Variants in DIS3L observed in about 807,000 individuals in gnomAD.
DIS3L encodes the protein DIS3 like exosome 3'-5' exoribonuclease, also known as DIS3-like exonuclease 1.
A neutral mutation model predicts 120.3 loss-of-function variants in DIS3L; 100 were observed. The observed-to-expected ratio is 0.83, with a 90% CI of 0.71 to 0.98. The LOEUF (loss-of-function observed/expected upper bound fraction) is 0.98, where lower values mean the gene tolerates loss of function less well. Among genes scored for constraint, DIS3L ranks in the 50% least tolerant of loss-of-function variants. DIS3L has a pLI of 0.00. For missense variants in DIS3L, 1,196 were observed against 1,314.2 expected (o/e 0.91, Z 1.39); for synonymous variants, 426 against 470.6 (o/e 0.91, Z 1.23).
intron 6 of DIS3L, chr15:66,314,770 T>C: frequency 2.9e-6 from 1 of 341,540 alleles, no homozygotes. Context: ...ACTAATACCT[T>C]TTTAAAAGGT....
At position 66,323,595 on chromosome 15, in the gene DIS3L, T is replaced by C. The variant is rs1595754493; in HGVS notation, c.1667+10T>C. ...TGGGAGGCGTTGATAGGTGAGTTTA[T>C]GGCTTTTGTCTTCAAAGCTTGTCCT... On this transcript the variant is annotated intron_variant, in intron 11 of 16. Transcript: ENST00000319212. The C allele has an allele frequency of 6.8e-6, 11 of 1,614,032 alleles. No individual in the cohort carries two copies. Among genetic ancestry groups the C allele is most frequent in the Non-Finnish European group, 8.5e-6 (10 of 1,179,852 alleles).
In DIS3L at chr15:66,332,682, A is replaced by T. The variant is rs2093013587; in HGVS notation, c.2682-54A>T. On this transcript the variant is annotated intron_variant, in intron 15 of 16. Transcript: ENST00000319212. ...CTAGTATTCTAGATAAGCATACAAGATCTGTGTACTAAGAATACATTGTCT... is the reference window on the plus strand; with the variant it reads ...CTAGTATTCTAGATAAGCATACAAGTTCTGTGTACTAAGAATACATTGTCT... The T allele has an allele frequency of 3.4e-6, 5 of 1,480,866 alleles. No homozygotes were observed. In the East Asian group the frequency reaches 1.1e-4, roughly 34 times the overall value. 91.7% of individuals were successfully genotyped at this position (1,480,866 alleles called of 1,614,324 possible). A position where few individuals can be genotyped will look rare whatever the true frequency, so the allele number is the denominator to read the frequency against.
Position 66,308,860 on chromosome 15 carries a change from G to A in DIS3L, c.558+16G>A. 1 of 1,609,984 alleles carries A rather than the reference G, an allele frequency of 6.2e-7. No homozygotes were observed. Among genetic ancestry groups the A allele is most frequent in the Non-Finnish European group, 8.5e-7 (1 of 1,177,688 alleles). ...TACTTTCAAGGTATTTCCAGATATT[G>A]TATATGTATGAGTGCTCATTTTCTA... On this transcript the variant is annotated intron_variant, in intron 4 of 16. Coordinates refer to ENST00000319212, the MANE Select transcript of DIS3L (RefSeq NM_001143688.3).
At chr15:66,320,188 C>T (rs1262091751) in intron 8 of DIS3L, among the ~76,000 whole-genome samples, 1 of 151,998 alleles carries the variant, frequency 6.6e-6, no homozygotes, top group African/African-American at 2.4e-5. Context: ...ACACACAAAA[C>T]ATTAAGATTG....
At chr15:66,309,876 T>A in intron 4 of DIS3L, among the ~76,000 whole-genome samples, 1 of 152,204 alleles carries the variant, frequency 6.6e-6, no homozygotes, top group Non-Finnish European at 1.5e-5. Context: ...GTGATATTAT[T>A]TATGTGAATG....
intron 4 of DIS3L, among the ~76,000 whole-genome samples, chr15:66,311,112 C>T (rs1442353589): frequency 6.6e-6 from 1 of 151,540 alleles, no homozygotes; most frequent in African/African-American, 2.4e-5. Context: ...CAGTGTAATC[C>T]CAGCACTGTG....
chr15:66,294,562 C>G (rs1263662288), intron 1 of DIS3L: 1 of 986,902 alleles, frequency 1.0e-6, no homozygotes, highest in Non-Finnish European at 1.2e-6. Flanking sequence ...TCTTTCTGGC[C>G]CTTGGAGGCT....
intron 3 of DIS3L, among the ~76,000 whole-genome samples, chr15:66,307,992 A>G (rs373551865): frequency 4.6e-5 from 7 of 152,280 alleles, no homozygotes; most frequent in Admixed American, 2.0e-4. Flanking sequence ...GGATAACATA[A>G]TGAGACCCCA....
At chr15:66,294,520 C>T in intron 1 of DIS3L, 1 of 988,636 alleles carries the variant, frequency 1.0e-6, no homozygotes, top group Non-Finnish European at 1.2e-6. Context: ...CACCTCTGCA[C>T]GTTGCTTGCA....
chr15:66,308,238 T>A (rs2092720649), intron 3 of DIS3L, among the ~76,000 whole-genome samples: 2 of 152,206 alleles, frequency 1.3e-5, no homozygotes, highest in African/African-American at 4.8e-5. Context: ...GTTTCCCAGT[T>A]CCGGTTCTTT....
In DIS3L at chr15:66,323,528, A is replaced by T. The variant is rs2140394427; in HGVS notation, c.1610A>T (p.Asp537Val). Reference protein sequence around the residue: ...TTYYLADRRYDMLPSVLSADL... With the variant: ...TTYYLADRRYVMLPSVLSADL... ...TATTATCTAGCAGATCGTCGCTATG[A>T]CATGCTGCCTTCCGTCCTCAGTGCA... Residue 537 changes from aspartate to valine, a missense_variant, in exon 11 of 17, where the codon GAC (aspartate) becomes GTC (valine). Asp to Val is a radical substitution (Grantham distance 152). Coordinates refer to ENST00000319212, the MANE Select transcript of DIS3L (RefSeq NM_001143688.3). 5 of 1,614,266 alleles carry T rather than the reference A, an allele frequency of 3.1e-6. No individual in the cohort carries two copies. The East Asian group carries it at 1.1e-4, about 36-fold the overall frequency.
rs77283543 is a variant in DIS3L, at chr15:66,307,715, G to A, written c.422+763G>A. Among the ~76,000 whole-genome samples the A allele has an allele frequency of 9.1e-3, 1,382 of 152,334 alleles. 17 individuals carry two copies. The highest frequency in any genetic ancestry group is 0.032 in the African/African-American group (1,312 of 41,570). The stretch of plus-strand genomic sequence containing the variant: ...CTGCTGAAAGCAGAGCCTAAAGTGA[G>A]TCCTTGAGTGTGGAGTGTTTATGTG... On this transcript the variant is annotated intron_variant, in intron 3 of 16. Transcript: ENST00000319212.
In DIS3L at chr15:66,308,804, A is replaced by G. The variant is rs1376751640; in HGVS notation, c.518A>G (p.Tyr173Cys). Residue 173 changes from tyrosine (Y) to cysteine (C), a missense_variant, in exon 4 of 17, where the codon TAT becomes TGT. Tyr to Cys is a radical substitution (Grantham distance 194, BLOSUM62 -2). Coordinates refer to ENST00000319212, the MANE Select transcript of DIS3L (RefSeq NM_001143688.3). ...GAAGATGAAGAGGCAATTCAGCAGT[A>G]TGGAAGTGAAACAGAAGGAGTATTC... ...VTEDEEAIQQ[Y>C]GSETEGVFVI... The G allele has an allele frequency of 6.8e-6, 11 of 1,613,550 alleles. No homozygotes were observed. Among genetic ancestry groups the G allele is most frequent in the Non-Finnish European group, 9.3e-6 (11 of 1,179,770 alleles).
rs1566957995 is a variant in DIS3L at position 66,326,326 on chromosome 15, G to A, written c.2163G>A (p.Arg721=). 6.2e-7 allele frequency: 1 copy of A among 1,614,022 alleles called. No individual in the cohort carries two copies. The highest frequency in any genetic ancestry group is 1.3e-5 in the African/African-American group (1 of 74,932). The change falls in exon 12 of 17, where the codon CGG becomes CGA. Residue 721 remains arginine, a synonymous_variant. Transcript: ENST00000319212. Reference sequence around the variant, plus strand: ...ACCAGGAGTTCTTTTCAGAACTCCGGGAATGTGCTAAAGCCAAAGGCTTCT... The same window carrying A: ...ACCAGGAGTTCTTTTCAGAACTCCGAGAATGTGCTAAAGCCAAAGGCTTCT... ...PPHQEFFSEL[R]ECAKAKGFFI...
rs767664381 is a variant in DIS3L at position 66,315,061 on chromosome 15, C to A, written c.840C>A (p.His280Gln). The change falls in exon 7 of 17, where the codon CAC (histidine) becomes CAA (glutamine). Residue 280 changes from histidine to glutamine, a missense_variant. Transcript: ENST00000319212. ...ATTTAGTCAGTGACATCCTAATCCA[C>A]GGGATGAAGGCTCGAAACCGCTCAA... ...DSDLVSDILI[H>Q]GMKARNRSIH... The A allele has an allele frequency of 1.5e-5, 25 of 1,613,778 alleles. No individual in the cohort carries two copies. The Admixed American group carries it at 4.2e-4, about 27-fold the overall frequency.
chr15:66,302,954 A>T (rs1471757033), intron 2 of DIS3L, among the ~76,000 whole-genome samples: 1 of 151,956 alleles, frequency 6.6e-6, no homozygotes, highest in Admixed American at 6.6e-5. Context: ...CCTAACTGAA[A>T]CTCTATACCC....
intron 7 of DIS3L, among the ~76,000 whole-genome samples, chr15:66,317,344 GGAAAA>G (rs2092828808): frequency 2.5e-5 from 2 of 79,082 alleles, no homozygotes; most frequent in Non-Finnish European, 5.0e-5. Context: ...AATATTTGTG[GGAAAA>G]AAAAAAAAAA....
At chr15:66,303,437 C>A (rs1546570) in intron 2 of DIS3L, among the ~76,000 whole-genome samples, 29,839 of 152,102 alleles carry the variant, frequency 0.2, 3,254 homozygotes, top group Non-Finnish European at 0.24. Flanking sequence ...TGGTATTCCC[C>A]AGGGCATTCA....
At chr15:66,306,135 C>T (rs753837953) in intron 2 of DIS3L, among the ~76,000 whole-genome samples, 7 of 152,042 alleles carry the variant, frequency 4.6e-5, no homozygotes, top group African/African-American at 1.7e-4. Flanking sequence ...CACGCTACCA[C>T]GCTAATTTTT....
Sources: gnomAD v4.1 joint callset for allele counts (sites outside exome capture counted in the v4.1 genomes callset) on GRCh38, gnomAD v4.1.1 for gene constraint, MANE v1.5 for transcripts, NCBI Gene and HGNC (gene_info 2026-07-23, HGNC 2026-07-21) for gene names.